The following CLIP1 variants were observed in gnomAD, a reference collection of about 807,000 sequenced individuals.
The protein encoded by CLIP1 is CAP-Gly domain containing linker protein 1, also known as CAP-Gly domain-containing linker protein 1.
Under a neutral mutation model 161.6 loss-of-function variants are expected in CLIP1, and 66 were observed. The ratio of observed to expected loss-of-function variants is 0.41; its 90% CI spans 0.33 to 0.50. The LOEUF is 0.50. Ranked by LOEUF, CLIP1 falls within the 20% of genes least tolerant of loss-of-function variation. The probability of loss-of-function intolerance (pLI) is 0.27; values close to 1 mark genes in which losing one functional copy is unlikely to be tolerated. For missense variants in CLIP1, 1,376 were observed against 1,702.0 expected, an observed-to-expected ratio of 0.81 and a Z score of 3.37; for synonymous variants, 598 against 626.2, an observed-to-expected ratio of 0.96 and a Z score of 0.67.
intron 1 of CLIP1, among the ~76,000 whole-genome samples, chr12:122,412,200 C>A (rs1956562534): frequency 6.6e-6 from 1 of 150,976 alleles, no homozygotes; most frequent in African/African-American, 2.4e-5. Context: ...TCCTGAGTAG[C>A]TGAGACCACA....
At chr12:122,377,363 T>C (rs1340018811) in intron 3 of CLIP1, 26 bp downstream of exon 3, 1 of 1,583,754 alleles carries the variant, frequency 6.3e-7, no homozygotes, top group Admixed American at 1.7e-5. Flanking sequence ...TTCAATGAAA[T>C]GACCTCAGAA....
At chr12:122,343,035 C>G (rs1258643792) in intron 10 of CLIP1, 1 of 151,444 alleles carries the variant, frequency 6.6e-6, no homozygotes, top group Non-Finnish European at 1.5e-5. Context: ...TTGGACAGCA[C>G]TTGCATAAAA....
intron 1 of CLIP1, among the ~76,000 whole-genome samples, chr12:122,416,852 A>G (rs193259349): frequency 3.3e-5 from 5 of 151,954 alleles, no homozygotes; most frequent in African/African-American, 1.2e-4. Flanking sequence ...GTAAGCAGAG[A>G]TCACGCCATT....
At position 122,362,688 on chromosome 12, in the gene CLIP1, A is replaced by C. The variant is rs1266225866; in HGVS notation, c.782+1295T>G. ...AAAAAAAAGTTCATTGAAAATTTTTAATATCTGTTTCAATAAAAATATGAT... is the reference window on the plus strand; with the variant it reads ...AAAAAAAAGTTCATTGAAAATTTTTCATATCTGTTTCAATAAAAATATGAT... On this transcript the variant is annotated intron_variant, in intron 4 of 25. Transcript: ENST00000620786. 3.3e-5 allele frequency among the ~76,000 whole-genome samples: 4 copies of C among 122,498 alleles called. 1 individual carries two copies. Among genetic ancestry groups the C allele is most frequent in the Non-Finnish European group, 6.6e-5 (4 of 60,312 alleles). The allele number at this position is 122,498 out of a possible 152,430, so 80.4% of individuals were successfully genotyped here. A position where few individuals can be genotyped will look rare whatever the true frequency, so the allele number is the denominator to read the frequency against.
intron 10 of CLIP1, 83 bp downstream of exon 10, chr12:122,347,292 C>G: frequency 9.6e-7 from 1 of 1,042,202 alleles, no homozygotes; most frequent in South Asian, 1.4e-5. Context: ...GGTCAAGGCT[C>G]AGGCCAACTA....
intron 5 of CLIP1, among the ~76,000 whole-genome samples, chr12:122,358,046 G>A (rs1396963965): frequency 1.3e-5 from 2 of 152,268 alleles, no homozygotes; most frequent in African/African-American, 4.8e-5. Flanking sequence ...TGCCATGTCT[G>A]TGTAGAAAGA....
intron 24 of CLIP1, chr12:122,275,760 G>A (rs966317604): frequency 6.6e-6 from 1 of 152,030 alleles, no homozygotes; most frequent in Non-Finnish European, 1.5e-5. Context: ...AAGTCACATG[G>A]AAATTTCCTT....
At chr12:122,394,047 T>C (rs1955789970) in intron 1 of CLIP1, among the ~76,000 whole-genome samples, 1 of 151,628 alleles carries the variant, frequency 6.6e-6, no homozygotes, top group Non-Finnish European at 1.5e-5. Flanking sequence ...AAAAACAGGA[T>C]GTGATGTCTC....
intron 3 of CLIP1, among the ~76,000 whole-genome samples, chr12:122,372,501 C>T (rs957796492): frequency 1.3e-5 from 2 of 150,950 alleles, no homozygotes; most frequent in Admixed American, 6.6e-5. Flanking sequence ...GCAGGAGAAT[C>T]GCTTGAACTC....
intron 1 of CLIP1, among the ~76,000 whole-genome samples, chr12:122,382,791 C>G (rs920840744): frequency 1.3e-5 from 2 of 152,116 alleles, no homozygotes; most frequent in Admixed American, 6.6e-5. Context: ...TACCTGAAGA[C>G]AGAAGTCACT....
intron 1 of CLIP1, among the ~76,000 whole-genome samples, chr12:122,407,579 C>T (rs964483805): frequency 6.6e-6 from 1 of 151,530 alleles, no homozygotes; most frequent in African/African-American, 2.4e-5. Flanking sequence ...CGCGTGCCTG[C>T]AGTCCAGGCT....
At chr12:122,331,516 T>C (rs144935829) in intron 15 of CLIP1, among the ~76,000 whole-genome samples, 19 of 151,914 alleles carry the variant, frequency 1.3e-4, no homozygotes, top group African/African-American at 3.9e-4. Context: ...GGTTTCATCA[T>C]GTTGGCCCAG....
In CLIP1 at chr12:122,335,723, C is replaced by T. The variant is rs184179250; in HGVS notation, c.2568+909G>A. Reference sequence around the variant, plus strand: ...TCAAGAGGCTGAGGCAGGAGAATTTCTTGAACCTGGGAGGCAGAGGCTGCA... The same window carrying T: ...TCAAGAGGCTGAGGCAGGAGAATTTTTTGAACCTGGGAGGCAGAGGCTGCA... On this transcript the variant is annotated intron_variant, in intron 12 of 25. Transcript: ENST00000620786. Among the ~76,000 whole-genome samples, 831 of 151,926 alleles carry T rather than the reference C, an allele frequency of 5.5e-3. 7 individuals are homozygous for T. The highest frequency in any genetic ancestry group is 0.019 in the African/African-American group (791 of 41,422).
intron 24 of CLIP1, chr12:122,276,395 C>A: frequency 7.8e-7 from 1 of 1,288,812 alleles, no homozygotes; most frequent in Non-Finnish European, 1.0e-6. Context: ...CACACACACA[C>A]ACACACACAC....
intron 3 of CLIP1, chr12:122,365,127 C>T (rs1201530920): frequency 2.5e-6 from 1 of 405,642 alleles, no homozygotes; most frequent in Non-Finnish European, 4.4e-6. Flanking sequence ...GGAGATATAC[C>T]TAATGCTAAA....
chr12:122,364,300 C>A (rs776051835), intron 3 of CLIP1, among the ~76,000 whole-genome samples, 193 bp from the exon 4 acceptor site: 19 of 152,122 alleles, frequency 1.2e-4, no homozygotes, highest in Non-Finnish European at 2.1e-4. Context: ...ACTTATATTA[C>A]CAGAGTGATT....
At chr12:122,367,421 A>G (rs1476527961) in intron 3 of CLIP1, among the ~76,000 whole-genome samples, 1 of 152,244 alleles carries the variant, frequency 6.6e-6, no homozygotes, top group Admixed American at 6.5e-5. Context: ...GTAAAAAATC[A>G]GTAGTTATTC....
intron 9 of CLIP1, among the ~76,000 whole-genome samples, chr12:122,348,142 AAG>A (rs1952837411): frequency 6.6e-6 from 1 of 152,186 alleles, no homozygotes; most frequent in Admixed American, 6.5e-5. Context: ...GGTCTGAGTT[AAG>A]AGTCTTAGCA....
chr12:122,278,184 T>C lies in CLIP1; in HGVS notation c.3936A>G (p.Ala1312=). 1 of 1,599,498 alleles carries C rather than the reference T, an allele frequency of 6.3e-7. No individual in the cohort carries two copies. Among genetic ancestry groups the C allele is most frequent in the Non-Finnish European group, 8.5e-7 (1 of 1,175,000 alleles). ...TCTCCTGGGCTCTTTCATCCTCGTC[T>C]GCCTGAGTGTCTGTATTACCTTATA... is the stretch of plus-strand genomic sequence containing the variant. ...SSSSGNTDTQ[A]DEDERAQESQ... The change falls in exon 24 of 26, where the codon GCA becomes GCG. Residue 1312 remains alanine, a synonymous_variant. Coordinates refer to ENST00000620786, the MANE Select transcript of CLIP1 (RefSeq NM_001247997.2).
Sources: allele counts gnomAD v4.1 joint callset (sites outside exome capture counted in the v4.1 genomes callset), GRCh38; gene constraint gnomAD v4.1.1; transcripts MANE v1.5; gene names NCBI Gene and HGNC (gene_info 2026-07-23, HGNC 2026-07-21).